Variants in PTPRD observed in about 807,000 individuals in gnomAD.
PTPRD encodes the protein receptor-type tyrosine-protein phosphatase delta.
Under a neutral mutation model 214.5 loss-of-function variants are expected in PTPRD, and 34 were observed. The observed-to-expected ratio is 0.16, with a 90% CI of 0.12 to 0.21. The LOEUF (loss-of-function observed/expected upper bound fraction) is 0.21. PTPRD is among the 10% of genes least tolerant of loss of function. The pLI, the probability that PTPRD is intolerant of heterozygous loss-of-function variation, is 1.00. For missense variants in PTPRD, 2,545 were observed against 2,398.7 expected (o/e 1.06, Z -1.27); for synonymous variants, 1,128 against 845.7 (o/e 1.33, Z -5.79).
At position 9,340,915 on chromosome 9, in the gene PTPRD, G is replaced by C. The variant is rs141075244; in HGVS notation, c.-203+56534C>G. Among the ~76,000 whole-genome samples the C allele has an allele frequency of 3.9e-5, 6 of 152,106 alleles. No homozygotes were observed. The East Asian group carries it at 9.7e-4, about 24-fold the overall frequency. Reference sequence around the variant, plus strand: ...ATAAACTACTAGTGAAGAAAACAGTGATAGTAACAGCAGTTTTTGAACCTA... The same window carrying C: ...ATAAACTACTAGTGAAGAAAACAGTCATAGTAACAGCAGTTTTTGAACCTA... On this transcript the variant is annotated intron_variant, in intron 9 of 45. Coordinates refer to ENST00000381196, the MANE Select transcript of PTPRD (RefSeq NM_002839.4).
At chr9:10,264,773 G>A (rs377348629) in intron 3 of PTPRD, among the ~76,000 whole-genome samples, 4 of 152,020 alleles carry the variant, frequency 2.6e-5, no homozygotes, top group African/African-American at 7.2e-5. Flanking sequence ...GACCAGGGGC[G>A]GAATGATATG....
intron 5 of PTPRD, among the ~76,000 whole-genome samples, chr9:9,872,890 C>G (rs2065868196): frequency 6.6e-6 from 1 of 152,064 alleles, no homozygotes; most frequent in Non-Finnish European, 1.5e-5. Flanking sequence ...TATATTCAAT[C>G]ATATCCGCAA....
chr9:8,384,326 T>C (rs1472928669), intron 37 of PTPRD, among the ~76,000 whole-genome samples: 2 of 152,148 alleles, frequency 1.3e-5, no homozygotes, highest in African/African-American at 2.4e-5. Flanking sequence ...AACCACATTC[T>C]AGGGAACTAG....
At chr9:9,816,138 T>G (rs1358520091) in intron 5 of PTPRD, among the ~76,000 whole-genome samples, 1 of 152,184 alleles carries the variant, frequency 6.6e-6, no homozygotes, top group East Asian at 1.9e-4. Flanking sequence ...AATTTTTATT[T>G]AATTTATTCT....
At chr9:9,747,056 T>C (rs1934267) in intron 6 of PTPRD, among the ~76,000 whole-genome samples, 81,077 of 151,956 alleles carry the variant, frequency 0.53, 24,865 homozygotes, top group African/African-American at 0.83. Flanking sequence ...TAGCAGGAAA[T>C]AGAATACTGG....
At chr9:9,935,987 C>A (rs1212668236) in intron 5 of PTPRD, among the ~76,000 whole-genome samples, 2 of 151,106 alleles carry the variant, frequency 1.3e-5, no homozygotes, top group East Asian at 3.9e-4. Context: ...AAAGGATTCC[C>A]TATTTAATAA....
In PTPRD at chr9:9,554,412, T is replaced by G. The variant is rs903147937; in HGVS notation, c.-237+20320A>C. ...TGACAAATGGTCCTGTTTTATTTTTTTTTTTCTTTGATCCTACTCTTGTTT... is the reference window on the plus strand; with the variant it reads ...TGACAAATGGTCCTGTTTTATTTTTGTTTTTCTTTGATCCTACTCTTGTTT... On this transcript the variant is annotated intron_variant, in intron 8 of 45. Transcript: ENST00000381196. Among the ~76,000 whole-genome samples the G allele has an allele frequency of 6.6e-5, 10 of 152,176 alleles. No individual in the cohort carries two copies. In the South Asian group the frequency reaches 2.1e-3, roughly 32 times the overall value.
chr9:8,631,604 T>C (rs1354860071), intron 14 of PTPRD, among the ~76,000 whole-genome samples: 2 of 151,992 alleles, frequency 1.3e-5, no homozygotes, highest in African/African-American at 4.8e-5. Flanking sequence ...TCCTGAGTAT[T>C]GCACAGTAGG....
chr9:8,588,857 A>T (rs1334895211), intron 14 of PTPRD, among the ~76,000 whole-genome samples: 10 of 152,158 alleles, frequency 6.6e-5, no homozygotes, highest in Non-Finnish European at 1.3e-4. Context: ...CCTGTTTCAA[A>T]AGGATAATCT....
chr9:9,109,675 T>C (rs945380336), intron 10 of PTPRD, among the ~76,000 whole-genome samples: 11 of 152,088 alleles, frequency 7.2e-5, no homozygotes, highest in Non-Finnish European at 1.5e-4. Context: ...AGTGGAAATA[T>C]TTGCAAGAAG....
chr9:10,451,153 A>C (rs2098839042), intron 2 of PTPRD, among the ~76,000 whole-genome samples: 1 of 151,952 alleles, frequency 6.6e-6, no homozygotes, highest in Non-Finnish European at 1.5e-5. Context: ...GACTCACTAC[A>C]CAGTTTAAAA....
intron 5 of PTPRD, among the ~76,000 whole-genome samples, chr9:9,783,482 A>T (rs987421413): frequency 6.6e-6 from 1 of 152,146 alleles, no homozygotes; most frequent in South Asian, 2.1e-4. Context: ...ACAAATTAAA[A>T]TGTAATGTGA....
At chr9:8,631,228 T>C (rs939994233) in intron 14 of PTPRD, among the ~76,000 whole-genome samples, 1 of 151,942 alleles carries the variant, frequency 6.6e-6, no homozygotes, top group Non-Finnish European at 1.5e-5. Flanking sequence ...TTCTAAAATC[T>C]AATTTCTAAC....
At chr9:8,415,540 T>C (rs2093868219) in intron 35 of PTPRD, among the ~76,000 whole-genome samples, 1 of 147,962 alleles carries the variant, frequency 6.8e-6, no homozygotes, top group Non-Finnish European at 1.5e-5. Flanking sequence ...TCTTTTTTAA[T>C]TTTTAATGCT....
chr9:9,354,588 C>T (rs1427559045), intron 9 of PTPRD, among the ~76,000 whole-genome samples: 1 of 151,564 alleles, frequency 6.6e-6, no homozygotes, highest in Non-Finnish European at 1.5e-5. Context: ...AGTTTCCTTC[C>T]CCTGTAGAAC....
intron 4 of PTPRD, among the ~76,000 whole-genome samples, chr9:9,943,899 C>T (rs1187347213): frequency 1.3e-5 from 2 of 152,136 alleles, no homozygotes; most frequent in East Asian, 3.9e-4. Flanking sequence ...GCAAATTGCC[C>T]TAAGCTGTCC....
intron 37 of PTPRD, among the ~76,000 whole-genome samples, chr9:8,382,536 G>T (rs557569015): frequency 6.6e-6 from 1 of 152,122 alleles, no homozygotes; most frequent in East Asian, 1.9e-4. Flanking sequence ...AGGTGGGGTG[G>T]GGAAAGAAGG....
chr9:9,926,500 A>T (rs531464676), intron 5 of PTPRD, among the ~76,000 whole-genome samples: 223 of 152,292 alleles, frequency 1.5e-3, no homozygotes, highest in African/African-American at 5.0e-3. Flanking sequence ...TAAATACATG[A>T]TGAATGCATA....
chr9:9,210,067 G>A (rs138678175), intron 9 of PTPRD, among the ~76,000 whole-genome samples: 102 of 152,118 alleles, frequency 6.7e-4, no homozygotes, highest in Middle Eastern at 3.4e-3. Flanking sequence ...TTGCCCCAGC[G>A]GAAAATGTTT....
Sources: allele counts gnomAD v4.1 joint callset (sites outside exome capture counted in the v4.1 genomes callset), GRCh38; gene constraint gnomAD v4.1.1; transcripts MANE v1.5; gene names NCBI Gene and HGNC (gene_info 2026-07-23, HGNC 2026-07-21).